NHSL1: variants seen among roughly 807,000 people sequenced by gnomAD.
NHSL1 encodes the protein NHS-like protein 1.
In NHSL1, 48 loss-of-function variants were observed where a neutral mutation model predicts 95.0. The ratio of observed to expected loss-of-function variants is 0.51; its 90% CI spans 0.40 to 0.64. NHSL1 has a LOEUF of 0.64. Ranked by LOEUF, NHSL1 falls within the 30% of genes least tolerant of loss-of-function variation. The probability of loss-of-function intolerance (pLI) is 0.00; values close to 1 mark genes in which losing one functional copy is unlikely to be tolerated. For synonymous variants in NHSL1, 783 were observed against 833.9 expected (o/e 0.94, Z 1.05); for missense variants, 1,971 against 2,077.7 (o/e 0.95, Z 1.00).
intron 3 of NHSL1, among the ~76,000 whole-genome samples, chr6:138,452,287 G>A (rs946331489): frequency 3.3e-5 from 5 of 152,186 alleles, no homozygotes; most frequent in Admixed American, 1.3e-4. Flanking sequence ...GAGACTTCTA[G>A]GTTCTACCCG....
intron 3 of NHSL1, among the ~76,000 whole-genome samples, chr6:138,447,780 T>A (rs1027136487): frequency 9.2e-5 from 14 of 151,924 alleles, no homozygotes; most frequent in Non-Finnish European, 1.8e-4. Flanking sequence ...AAAAAAAAAA[T>A]TTTAAAAAGA....
chr6:138,546,998 G>A (rs187209575), upstream of NHSL1, among the ~76,000 whole-genome samples: 48 of 152,264 alleles, frequency 3.2e-4, 1 homozygote, highest in African/African-American at 1.1e-3. Flanking sequence ...GAGTCTCCTG[G>A]CTCAGGAAGT....
chr6:138,604,342 T>C (rs1280784444), intron 1 of NHSL1, among the ~76,000 whole-genome samples: 3 of 152,194 alleles, frequency 2.0e-5, no homozygotes, highest in African/African-American at 4.8e-5. Flanking sequence ...GAAGTAATCA[T>C]CTAAGGCAGC....
rs543279598 is a variant in NHSL1, at chr6:138,458,785, C to T, written c.340-11592G>A. On this transcript the variant is annotated intron_variant, in intron 3 of 7. Transcript: ENST00000343505. ...AGGTTGCAGTGAGCCAAGTTCACACCACTGCACTCCAGCCTGGCAACAGAG... is the reference window on the plus strand; with the variant it reads ...AGGTTGCAGTGAGCCAAGTTCACACTACTGCACTCCAGCCTGGCAACAGAG... 4.7e-5 allele frequency among the ~76,000 whole-genome samples: 7 copies of T among 149,874 alleles called. No homozygotes were observed. In the South Asian group the frequency reaches 1.3e-3, roughly 27 times the overall value.
intron 1 of NHSL1, chr6:138,650,097 G>A (rs138996987): frequency 1.6e-5 from 8 of 515,080 alleles, no homozygotes; most frequent in Middle Eastern, 3.0e-4. Context: ...GGAAACTGAA[G>A]CCCGGCTGGG....
upstream of NHSL1, among the ~76,000 whole-genome samples, chr6:138,575,736 G>T (rs950187438): frequency 2.6e-5 from 4 of 152,050 alleles, no homozygotes; most frequent in Non-Finnish European, 5.9e-5. Flanking sequence ...ACTCTAATTA[G>T]CTTAGAACAT....
At chr6:138,631,086 T>G (rs922333051) in intron 1 of NHSL1, among the ~76,000 whole-genome samples, 14 of 152,284 alleles carry the variant, frequency 9.2e-5, no homozygotes, top group African/African-American at 3.1e-4. Context: ...TGTGAGGCAC[T>G]GAACTCAGTG....
rs775854059 is a variant in NHSL1, at chr6:138,473,282, C to A, written c.339+24G>T. On this transcript the variant is annotated intron_variant, in intron 3 of 7. Transcript: ENST00000343505. Reference sequence around the variant, plus strand: ...TCTGTTCTGGGACCCAACCCAGGACCCCGTGTTGAACTTTGAAGCTTACCT... The same window carrying A: ...TCTGTTCTGGGACCCAACCCAGGACACCGTGTTGAACTTTGAAGCTTACCT... The A allele has an allele frequency of 1.5e-5, 23 of 1,514,930 alleles. No homozygotes were observed. The South Asian group carries it at 2.8e-4, about 19-fold the overall frequency. The allele number at this position is 1,514,930 out of a possible 1,614,324, so 93.8% of individuals were successfully genotyped here. A position where few individuals can be genotyped will look rare whatever the true frequency, so the allele number is the denominator to read the frequency against.
In NHSL1 at chr6:138,432,955, G is replaced by A; in HGVS notation, c.1390C>T (p.Pro464Ser). The change falls in exon 6 of 8, where the codon CCT becomes TCT. Residue 464 changes from proline to serine, a missense_variant. Coordinates refer to ENST00000343505, the MANE Select transcript of NHSL1 (RefSeq NM_001144060.2). This position sits in a 1 kb window ranked among gnomAD's most constrained non-coding sequence, Gnocchi z 4.4. ...LISRHAVKGDPQSPGRHWNEG... is the reference protein window; with the variant it reads ...LISRHAVKGDSQSPGRHWNEG... ...TTCCAGTGGCGACCGGGAGACTGAG[G>A]ATCACCTTTCACAGCATGCCTGGAG... is the stretch of plus-strand genomic sequence containing the variant. 1 of 1,551,206 alleles carries A rather than the reference G, an allele frequency of 6.4e-7. No homozygotes were observed. Among genetic ancestry groups the A allele is most frequent in the Non-Finnish European group, 8.7e-7 (1 of 1,146,580 alleles).
At chr6:138,491,621 A>T (rs1780083498) in intron 2 of NHSL1, among the ~76,000 whole-genome samples, 1 of 152,236 alleles carries the variant, frequency 6.6e-6, no homozygotes, top group Non-Finnish European at 1.5e-5. Context: ...GAAACTCAGT[A>T]AGAAGCTGAG....
rs372285880 is a variant in NHSL1 at position 138,643,934 on chromosome 6, G to A, written c.96+48542C>T. On this transcript the variant is annotated intron_variant, in intron 1 of 3. Transcript: ENST00000491526. Reference sequence around the variant, plus strand: ...AATTGCTTGAACCCAGGAGGCGGAGGCTGCTGTGAGCCCAGACTGTGCCAC... The same window carrying A: ...AATTGCTTGAACCCAGGAGGCGGAGACTGCTGTGAGCCCAGACTGTGCCAC... Among the ~76,000 whole-genome samples, 58 of 151,806 alleles carry A rather than the reference G, an allele frequency of 3.8e-4. No homozygotes were observed. In the East Asian group the frequency reaches 7.2e-3, roughly 19 times the overall value.
chr6:138,460,579 G>A (rs1171463969), intron 3 of NHSL1, among the ~76,000 whole-genome samples: 1 of 151,790 alleles, frequency 6.6e-6, no homozygotes, highest in African/African-American at 2.4e-5. Flanking sequence ...TCTAGTATAT[G>A]AGAGGATATG....
intron 1 of NHSL1, among the ~76,000 whole-genome samples, chr6:138,527,815 T>A (rs1781974128): frequency 6.6e-6 from 1 of 152,172 alleles, no homozygotes; most frequent in Admixed American, 6.5e-5. Flanking sequence ...CATTGCCCCA[T>A]TTAAAGTTCA....
At chr6:138,618,786 C>G (rs548861419) in intron 1 of NHSL1, among the ~76,000 whole-genome samples, 5 of 152,132 alleles carry the variant, frequency 3.3e-5, no homozygotes, top group Non-Finnish European at 7.4e-5. Context: ...CTACTGGAGG[C>G]AGCACTTCAA....
chr6:138,422,708 T>C lies in NHSL1; in HGVS notation c.*1373A>G, dbSNP rs1275384982. Reference sequence around the variant, plus strand: ...ACACACGTGTGTCCCATGTCTAAAATTGTTGAAAATCTGATTGGAGAAGAT... The same window carrying C: ...ACACACGTGTGTCCCATGTCTAAAACTGTTGAAAATCTGATTGGAGAAGAT... On this transcript the variant is annotated 3_prime_UTR_variant, in exon 8 of 8. Coordinates refer to ENST00000343505, the MANE Select transcript of NHSL1 (RefSeq NM_001144060.2). The C allele has an allele frequency of 6.6e-6, 1 of 152,208 alleles. No homozygotes were observed. The highest frequency in any genetic ancestry group is 6.5e-5 in the Admixed American group (1 of 15,278). 9.4% of individuals were successfully genotyped at this position (152,208 alleles called of 1,614,324 possible).
chr6:138,682,801 G>C (rs1468939131), intron 1 of NHSL1, among the ~76,000 whole-genome samples: 1 of 152,146 alleles, frequency 6.6e-6, no homozygotes, highest in Non-Finnish European at 1.5e-5. Context: ...AGAATCTCCA[G>C]GGGCGGGGCC....
At chr6:138,646,949 A>G (rs979115540) in intron 1 of NHSL1, among the ~76,000 whole-genome samples, 2 of 152,234 alleles carry the variant, frequency 1.3e-5, no homozygotes, top group African/African-American at 4.8e-5. Context: ...TAAATGAATT[A>G]TGAGACATGA....
In NHSL1 at chr6:138,688,016, A is replaced by C. The variant is rs536797230; in HGVS notation, c.96+4460T>G. ...TCCCAGGCTGGGGTGCAGTGGCGCC[A>C]TCTCGGGTCACTACAATATCCACCT... On this transcript the variant is annotated intron_variant, in intron 1 of 3. Transcript: ENST00000491526. 2.2e-4 allele frequency among the ~76,000 whole-genome samples: 33 copies of C among 152,196 alleles called. No homozygotes were observed. The East Asian group carries it at 6.2e-3, about 29-fold the overall frequency.
At chr6:138,610,297 ACC>A (rs1478585302) in intron 1 of NHSL1, among the ~76,000 whole-genome samples, 2 of 152,062 alleles carry the variant, frequency 1.3e-5, no homozygotes, top group Non-Finnish European at 2.9e-5. Flanking sequence ...ACGACAAACA[ACC>A]AAACACAGCA....
Sources: gnomAD v4.1 joint callset for allele counts (sites outside exome capture counted in the v4.1 genomes callset) on GRCh38, gnomAD v4.1.1 for gene constraint, Gnocchi (gnomAD v3.1) non-coding constraint, MANE v1.5 for transcripts, NCBI Gene and HGNC (gene_info 2026-07-23, HGNC 2026-07-21) for gene names.